Variants in DLG1 observed in about 807,000 individuals in gnomAD.
The protein encoded by DLG1 is discs large MAGUK scaffold protein 1.
DLG1 carries 42 observed loss-of-function variants against 123.4 expected under a neutral mutation model. That is an observed-to-expected ratio of 0.34 (90% confidence interval 0.27 to 0.44). The LOEUF is 0.44. DLG1 is among the 20% of genes least tolerant of loss of function. The pLI, the probability that DLG1 is intolerant of heterozygous loss-of-function variation, is 1.00. For synonymous variants in DLG1, 317 were observed against 356.2 expected, an observed-to-expected ratio of 0.89 and a Z score of 1.24; for missense variants, 942 against 1,082.6, an observed-to-expected ratio of 0.87 and a Z score of 1.82.
At chr3:197,120,235 T>A (rs1775554537) in intron 11 of DLG1, among the ~76,000 whole-genome samples, 1 of 142,126 alleles carries the variant, frequency 7.0e-6, no homozygotes, top group Non-Finnish European at 1.5e-5. Context: ...CACTCCAGCC[T>A]ACGTAGGTGA....
intron 3 of DLG1, among the ~76,000 whole-genome samples, chr3:197,283,685 G>A (rs1770434824): frequency 1.3e-5 from 2 of 152,048 alleles, no homozygotes; most frequent in African/African-American, 4.8e-5. Context: ...TATAATTTTG[G>A]ATAAGGGAAT....
chr3:197,234,304 T>C (rs959480206), intron 4 of DLG1, among the ~76,000 whole-genome samples: 6 of 152,244 alleles, frequency 3.9e-5, no homozygotes, highest in Non-Finnish European at 7.3e-5. Flanking sequence ...CAAAGCACAG[T>C]TCTCAAACCA....
At chr3:197,288,380 A>AAAAAAAAG (rs1560169669) in intron 3 of DLG1, among the ~76,000 whole-genome samples, 1 of 146,508 alleles carries the variant, frequency 6.8e-6, no homozygotes. Flanking sequence ...AAAAAAAAAA[A>AAAAAAAAG]AAGAAAAGAA....
At chr3:197,243,633 C>A (rs1025763159) in intron 4 of DLG1, among the ~76,000 whole-genome samples, 3 of 152,066 alleles carry the variant, frequency 2.0e-5, no homozygotes, top group African/African-American at 7.2e-5. Flanking sequence ...TCATACCTAG[C>A]GCCATCCTAT....
intron 4 of DLG1, among the ~76,000 whole-genome samples, chr3:197,279,926 G>C (rs942230279): frequency 6.6e-6 from 1 of 152,158 alleles, no homozygotes; most frequent in East Asian, 1.9e-4. Context: ...TGCATACAAT[G>C]TGTAATGGTC....
chr3:197,250,336 G>A (rs1469725219), intron 4 of DLG1, among the ~76,000 whole-genome samples: 4 of 152,178 alleles, frequency 2.6e-5, no homozygotes, highest in East Asian at 1.9e-4. Flanking sequence ...TTGGGAGGCC[G>A]AGGCAGGTGA....
In DLG1 at chr3:197,127,355, G is replaced by A. The variant is rs190733311; in HGVS notation, c.1165+3172C>T. ...GGAGGATCGCTTGAACCTGGGAGGC[G>A]GAGGTTGCAGTGAGCTGAGATTGCA... On this transcript the variant is annotated intron_variant, in intron 11 of 24. Transcript: ENST00000667157. 9.5e-3 allele frequency among the ~76,000 whole-genome samples: 1,355 copies of A among 142,406 alleles called. 18 individuals carry two copies. Among genetic ancestry groups the A allele is most frequent in the African/African-American group, 0.023 (870 of 37,954 alleles). The allele number at this position is 142,406 out of a possible 152,430, so 93.4% of individuals were successfully genotyped here.
At position 197,194,486 on chromosome 3, in the gene DLG1, T is replaced by C; in HGVS notation, c.422A>G (p.Asn141Ser). Residue 141 changes from asparagine (N) to serine (S), a missense_variant, in exon 5 of 25, where the codon AAC becomes AGC. Coordinates refer to ENST00000667157, the MANE Select transcript of DLG1 (RefSeq NM_001366207.1). The stretch of plus-strand genomic sequence containing the variant: ...ATGGACATTCTCAATCTCTGATAAG[T>C]TCTTCTCTGAGACATGAACCAATTC... ...GPELVHVSEK[N>S]LSEIENVHGF... is the part of the protein sequence containing the mutation. 1 of 1,604,964 alleles carries C rather than the reference T, an allele frequency of 6.2e-7. No individual in the cohort carries two copies. The highest frequency in any genetic ancestry group is 8.5e-7 in the Non-Finnish European group (1 of 1,176,012).
intron 6 of DLG1, among the ~76,000 whole-genome samples, chr3:197,149,161 T>A (rs182716997): frequency 6.6e-6 from 1 of 152,262 alleles, no homozygotes; most frequent in African/African-American, 2.4e-5. Context: ...TTCCAGAACA[T>A]CCTTATTACC....
intron 4 of DLG1, among the ~76,000 whole-genome samples, chr3:197,209,281 G>A (rs576253991): frequency 6.8e-6 from 1 of 146,350 alleles, no homozygotes; most frequent in African/African-American, 2.4e-5. Context: ...TCAAGACAGA[G>A]TATTTATCTA....
At chr3:197,154,730 C>T (rs140338042) in intron 5 of DLG1, among the ~76,000 whole-genome samples, 11 of 151,286 alleles carry the variant, frequency 7.3e-5, no homozygotes, top group Admixed American at 5.3e-4. Flanking sequence ...GCTGTATGAA[C>T]GAAACGGAAA....
At chr3:197,124,338 G>C (rs765692025) in intron 11 of DLG1, among the ~76,000 whole-genome samples, 2 of 152,134 alleles carry the variant, frequency 1.3e-5, no homozygotes, top group Non-Finnish European at 2.9e-5. Flanking sequence ...ACAGTGGCGC[G>C]ATCTCAGCTC....
rs184436061 is a variant in DLG1, at chr3:197,218,260, C to T, written c.319-23671G>A. ...TTTATAATCATCATAATTTACATTT[C>T]AAATTTGTGAAATATGTCAAATATG... On this transcript the variant is annotated intron_variant, in intron 4 of 24. Transcript: ENST00000667157. Among the ~76,000 whole-genome samples, 12 of 152,232 alleles carry T rather than the reference C, an allele frequency of 7.9e-5. No homozygotes were observed. The East Asian group carries it at 2.3e-3, about 29-fold the overall frequency.
chr3:197,128,074 G>A (rs1397163493), intron 11 of DLG1, among the ~76,000 whole-genome samples: 1 of 152,140 alleles, frequency 6.6e-6, no homozygotes, highest in Non-Finnish European at 1.5e-5. Flanking sequence ...CAAAAATGCA[G>A]TTGGCCATAT....
intron 5 of DLG1, among the ~76,000 whole-genome samples, chr3:197,163,394 G>A (rs1443747397): frequency 2.0e-5 from 3 of 152,110 alleles, no homozygotes; most frequent in Non-Finnish European, 4.4e-5. Flanking sequence ...TGAGAGCAAG[G>A]ACTTGGACAC....
chr3:197,234,896 C>T (rs999252085), intron 4 of DLG1, among the ~76,000 whole-genome samples: 6 of 152,090 alleles, frequency 3.9e-5, no homozygotes, highest in African/African-American at 1.4e-4. Flanking sequence ...AAGGAAACTA[C>T]TGAAGTAGTA....
rs183729745 is a variant in DLG1, at chr3:197,140,272, T to G, written c.589-8A>C. On this transcript the variant is annotated splice_polypyrimidine_tract_variant and splice_region_variant and intron_variant, in intron 7 of 24. Transcript: ENST00000667157. Reference sequence around the variant, plus strand: ...ACCAAGCCCTGAATTTCCCTGAGGATAGAAGAAAAAAAATTGAGACTGAAT... The same window carrying G: ...ACCAAGCCCTGAATTTCCCTGAGGAGAGAAGAAAAAAAATTGAGACTGAAT... The G allele has an allele frequency of 1.9e-6, 3 of 1,609,024 alleles. No individual in the cohort carries two copies. The highest frequency in any genetic ancestry group is 2.5e-6 in the Non-Finnish European group (3 of 1,178,208).
At chr3:197,291,172 C>T (rs1774658972) in intron 3 of DLG1, among the ~76,000 whole-genome samples, 4 of 152,000 alleles carry the variant, frequency 2.6e-5, no homozygotes, top group Admixed American at 2.6e-4. Flanking sequence ...AAACTATGAG[C>T]AAAGAACTCA....
At chr3:197,205,007 T>C (rs1478820072) in intron 4 of DLG1, among the ~76,000 whole-genome samples, 1 of 152,182 alleles carries the variant, frequency 6.6e-6, no homozygotes, top group Non-Finnish European at 1.5e-5. Flanking sequence ...GGAAATGTCA[T>C]ATACCAAGAT....
Sources: gnomAD v4.1 joint callset for allele counts (sites outside exome capture counted in the v4.1 genomes callset) on GRCh38, gnomAD v4.1.1 for gene constraint, MANE v1.5 for transcripts, NCBI Gene and HGNC (gene_info 2026-07-23, HGNC 2026-07-21) for gene names.